KLB: variants seen among roughly 807,000 people sequenced by gnomAD.
KLB encodes beta-klotho.
In KLB, 44 loss-of-function variants were observed where a neutral mutation model predicts 88.4. The ratio of observed to expected loss-of-function variants is 0.50; its 90% CI spans 0.39 to 0.64. KLB has a LOEUF of 0.64. Among genes scored for constraint, KLB ranks in the 30% least tolerant of loss-of-function variants. The pLI is 0.00. For synonymous variants in KLB, 548 were observed against 513.4 expected (o/e 1.07, Z -0.91); for missense variants, 1,137 against 1,304.8 (o/e 0.87, Z 1.98).
chr4:39,410,527 G>A lies in KLB; in HGVS notation c.825+2753G>A, dbSNP rs371368544. ...GAAATACACTGCATGACCCAGTGAC[G>A]TATAGCACTAAAGAAATCTTGCAAT... On this transcript the variant is annotated intron_variant, in intron 1 of 4. Transcript: ENST00000257408. Among the ~76,000 whole-genome samples the A allele has an allele frequency of 7.5e-4, 114 of 152,304 alleles. 2 individuals carry two copies. The South Asian group carries it at 0.023, about 30-fold the overall frequency.
chr4:39,429,761 C>A (rs915529459), intron 1 of KLB, among the ~76,000 whole-genome samples: 1 of 152,156 alleles, frequency 6.6e-6, no homozygotes, highest in African/African-American at 2.4e-5. Flanking sequence ...AGTGCCCAAC[C>A]AAAGAACACA....
intron 1 of KLB, among the ~76,000 whole-genome samples, chr4:39,421,524 C>T (rs1033370730): frequency 2.6e-5 from 4 of 152,026 alleles, no homozygotes; most frequent in African/African-American, 7.2e-5. Context: ...CCAAGGTGGG[C>T]GGATCACTTG....
At chr4:39,439,524 G>A (rs1343630360) in intron 3 of KLB, among the ~76,000 whole-genome samples, 3 of 151,870 alleles carry the variant, frequency 2.0e-5, no homozygotes, top group Non-Finnish European at 4.4e-5. Context: ...GGAGTGCAGC[G>A]GTGCGATTTT....
At chr4:39,426,429 AAAAAAAAAAG>A (rs1743219013) in intron 1 of KLB, among the ~76,000 whole-genome samples, 1 of 147,332 alleles carries the variant, frequency 6.8e-6, no homozygotes, top group African/African-American at 2.5e-5. Context: ...AAAAAAAAAA[AAAAAAAAAAG>A]GGCCATGAAA....
rs1351100138 is a variant in KLB, at chr4:39,450,910, A to C, written c.*2224A>C. On this transcript the variant is annotated 3_prime_UTR_variant, in exon 5 of 5. Coordinates refer to ENST00000257408, the MANE Select transcript of KLB (RefSeq NM_175737.4). ...CAGGAATAACAAAAACCTGGAATTT[A>C]TCTTTCAGGTTTTGCTTTCTCTTTC... 2 of 149,890 alleles carry C rather than the reference A, an allele frequency of 1.3e-5. No homozygotes were observed. The highest frequency in any genetic ancestry group is 6.7e-5 in the Admixed American group (1 of 15,026). The allele number at this position is 149,890 out of a possible 1,614,324, so 9.3% of individuals were successfully genotyped here.
Position 39,434,426 on chromosome 4 carries a change from T to G in KLB, c.1042T>G (p.Leu348Val). The change falls in exon 2 of 5, where the codon TTG becomes GTG. Residue 348 changes from leucine to valine, a missense_variant. By Grantham distance (32) the Leu-to-Val change is conservative. Transcript: ENST00000257408. ...CTATCCAGAGGGGATGAGAAAGAAG[T>G]TGTTCTCCGTTCTACCCATTTTCTC... The part of the protein sequence containing the change: ...GDYPEGMRKK[L>V]FSVLPIFSEA... The G allele has an allele frequency of 6.2e-7, 1 of 1,614,172 alleles. No individual in the cohort carries two copies. The highest frequency in any genetic ancestry group is 8.5e-7 in the Non-Finnish European group (1 of 1,180,020).
intron 1 of KLB, among the ~76,000 whole-genome samples, chr4:39,413,184 A>G (rs1742891951): frequency 6.6e-6 from 1 of 152,140 alleles, no homozygotes; most frequent in Admixed American, 6.5e-5. Flanking sequence ...AGTTTTTTCA[A>G]TCCCAGAAAT....
In KLB at chr4:39,446,420, A is replaced by G. The variant is rs1257058195; in HGVS notation, c.1694A>G (p.Glu565Gly). 4 of 1,614,082 alleles carry G rather than the reference A, an allele frequency of 2.5e-6. No individual in the cohort carries two copies. Among genetic ancestry groups the G allele is most frequent in the Non-Finnish European group, 3.4e-6 (4 of 1,180,032 alleles). The change falls in exon 4 of 5, where the codon GAA (glutamate) becomes GGA (glycine). Residue 565 changes from glutamate (E) to glycine (G), a missense_variant. Around this residue, in one of 4 missense-constraint regions of KLB, gnomAD observed 597 missense variants for 765.2 expected, o/e 0.78. Transcript: ENST00000257408. This position sits in a 1 kb window ranked among gnomAD's most constrained non-coding sequence, Gnocchi z 6.4. ...GGCAACAGACTGTTGCACCGAGTGG[A>G]AGGGGTGAGGCTGAAAACACGACCC... The part of the protein sequence containing the change: ...ATGNRLLHRV[E>G]GVRLKTRPAQ...
rs112229852 is a variant in KLB at position 39,409,564 on chromosome 4, C to T, written c.825+1790C>T. On this transcript the variant is annotated intron_variant, in intron 1 of 4. Transcript: ENST00000257408. Reference sequence around the variant, plus strand: ...TCAGCCTCCCAAAGTGCTGGGATTACAGGTGTGAGCCACTGCGCTCAGCCA... The same window carrying T: ...TCAGCCTCCCAAAGTGCTGGGATTATAGGTGTGAGCCACTGCGCTCAGCCA... 7.7e-3 allele frequency among the ~76,000 whole-genome samples: 1,162 copies of T among 150,930 alleles called. 10 individuals are homozygous for T. The highest frequency in any genetic ancestry group is 0.023 in the African/African-American group (948 of 41,254).
Position 39,428,857 on chromosome 4 carries a change from G to A in KLB, c.826-5353G>A, listed in dbSNP as rs754721471. 2.0e-5 allele frequency among the ~76,000 whole-genome samples: 3 copies of A among 152,016 alleles called. No homozygotes were observed. In the East Asian group the frequency reaches 5.8e-4, roughly 29 times the overall value. ...CGAGTAGCTGGGACTACAGGTGCCC[G>A]CCACCATGACCGGCTAATTTTTGTA... is the stretch of plus-strand genomic sequence containing the variant. On this transcript the variant is annotated intron_variant, in intron 1 of 4. Transcript: ENST00000257408.
At chr4:39,414,871 GAAA>G (rs1009834880) in intron 1 of KLB, among the ~76,000 whole-genome samples, 2 of 50,294 alleles carry the variant, frequency 4.0e-5, no homozygotes, top group Non-Finnish European at 4.3e-5. Context: ...TCTGTCTCAG[GAAA>G]AAAAAAAAAA....
chr4:39,427,779 C>T, intron 1 of KLB, among the ~76,000 whole-genome samples: 1 of 152,172 alleles, frequency 6.6e-6, no homozygotes. Flanking sequence ...GTCATTTTCA[C>T]AGGGTCTTCA....
At chr4:39,426,717 T>C (rs1014387894) in intron 1 of KLB, among the ~76,000 whole-genome samples, 14 of 152,088 alleles carry the variant, frequency 9.2e-5, no homozygotes, top group African/African-American at 3.1e-4. Context: ...AGACGGGGTC[T>C]TGCTCTGTTG....
Position 39,448,673 on chromosome 4 carries a change from G to C in KLB, c.3122G>C (p.Arg1041Thr), listed in dbSNP as rs1451127650. 1 of 1,608,772 alleles carries C rather than the reference G, an allele frequency of 6.2e-7. No homozygotes were observed. The highest frequency in any genetic ancestry group is 8.5e-7 in the Non-Finnish European group (1 of 1,179,498). The part of the protein sequence containing the change: ...LQHIPLKKGK[R>T]VVS ...CACATACCATTAAAGAAAGGCAAGA[G>C]AGTTGTTAGCTAAACTGATCTGTCT... The change falls in exon 5 of 5, where the codon AGA (arginine) becomes ACA (threonine). Residue 1041 changes from arginine (R) to threonine (T), a missense_variant. Around this residue, in one of 4 missense-constraint regions of KLB, gnomAD observed 426 missense variants for 404.6 expected, o/e 1.05. Transcript: ENST00000257408.
intron 1 of KLB, among the ~76,000 whole-genome samples, chr4:39,418,977 G>A (rs1371748269): frequency 1.3e-5 from 2 of 149,824 alleles, no homozygotes; most frequent in South Asian, 4.2e-4. Context: ...AAGAAATACT[G>A]ACCAAATACA....
rs1743758968 is a variant in KLB, at chr4:39,446,855, G to A, written c.2129G>A (p.Gly710Glu). Residue 710 changes from glycine to glutamate, a missense_variant, in exon 4 of 5, where the codon GGG becomes GAG. Physicochemically the swap from Gly to Glu is moderately conservative, Grantham distance 98. This residue lies in a region of KLB where 597 missense variants were observed against 765.2 expected (regional missense o/e 0.78). Coordinates refer to ENST00000257408, the MANE Select transcript of KLB (RefSeq NM_175737.4). The surrounding 1 kb of genome is among the most constrained non-coding windows in gnomAD (Gnocchi z 6.4). ...IYNRSGNDTY[G>E]AAHNLLVAHA... ...AACCGCTCTGGCAACGACACCTACG[G>A]GGCGGCGCACAACCTGCTGGTGGCC... is the stretch of plus-strand genomic sequence containing the variant. 1 of 1,611,296 alleles carries A rather than the reference G, an allele frequency of 6.2e-7. No homozygotes were observed. The highest frequency in any genetic ancestry group is 8.5e-7 in the Non-Finnish European group (1 of 1,179,972).
At chr4:39,420,007 T>C (rs1386284616) in intron 1 of KLB, among the ~76,000 whole-genome samples, 1 of 149,680 alleles carries the variant, frequency 6.7e-6, no homozygotes, top group East Asian at 1.9e-4. Context: ...CTACTGAACA[T>C]TAACAACAAT....
In KLB at chr4:39,407,703, A is replaced by G. The variant is rs888373086; in HGVS notation, c.754A>G (p.Thr252Ala). Reference sequence around the variant, plus strand: ...TCTAGTGGCTTGGCATGGGTATGGGACAGGTATGCATGCCCCTGGAGAGAA... The same window carrying G: ...TCTAGTGGCTTGGCATGGGTATGGGGCAGGTATGCATGCCCCTGGAGAGAA... ...PYLVAWHGYG[T>A]GMHAPGEKGN... The change falls in exon 1 of 5, where the codon ACA (threonine) becomes GCA (alanine). Residue 252 changes from threonine (T) to alanine (A), a missense_variant. Physicochemically the swap from Thr to Ala is moderately conservative, Grantham distance 58. This residue lies in a region of KLB where 597 missense variants were observed against 765.2 expected (regional missense o/e 0.78). Transcript: ENST00000257408. 1.8e-5 allele frequency: 29 copies of G among 1,613,726 alleles called. No individual in the cohort carries two copies. The highest frequency in any genetic ancestry group is 2.4e-5 in the Non-Finnish European group (28 of 1,179,616).
At chr4:39,414,980 G>A (rs1560644511) in intron 1 of KLB, among the ~76,000 whole-genome samples, 1 of 151,976 alleles carries the variant, frequency 6.6e-6, no homozygotes, top group Non-Finnish European at 1.5e-5. Context: ...AGTTTGGTGG[G>A]GGTTGGGTTT....
Sources: allele counts gnomAD v4.1 joint callset (sites outside exome capture counted in the v4.1 genomes callset), GRCh38; gene constraint gnomAD v4.1.1; regional missense constraint gnomAD v4.1.1; non-coding constraint Gnocchi (gnomAD v3.1); transcripts MANE v1.5; gene names NCBI Gene and HGNC (gene_info 2026-07-23, HGNC 2026-07-21).